The following NADSYN1 variants were observed in gnomAD, a reference collection of about 807,000 sequenced individuals.
The protein encoded by NADSYN1 is glutamine-dependent NAD(+) synthetase.
In NADSYN1, 80 loss-of-function variants were observed where a neutral mutation model predicts 99.3. The ratio of observed to expected loss-of-function variants is 0.81; its 90% CI spans 0.67 to 0.97. The LOEUF is 0.97. NADSYN1 is among the 50% of genes least tolerant of loss of function. The probability of loss-of-function intolerance (pLI) is 0.00; values close to 1 mark genes in which losing one functional copy is unlikely to be tolerated. For synonymous variants in NADSYN1, 385 were observed against 372.1 expected (o/e 1.03, Z -0.40); for missense variants, 859 against 948.5 (o/e 0.91, Z 1.24).
At chr11:71,497,709 G>C (rs1949829759) in intron 19 of NADSYN1, 98 bp downstream of exon 19, 1 of 1,458,144 alleles carries the variant, frequency 6.9e-7, no homozygotes, top group South Asian at 1.2e-5. Context: ...ATAACAGTGT[G>C]ACCCTAACGT....
intron 14 of NADSYN1, 43 bp from the exon 15 acceptor site, chr11:71,484,269 C>A: frequency 6.2e-7 from 1 of 1,602,390 alleles, no homozygotes; most frequent in South Asian, 1.1e-5. Flanking sequence ...CACATGCACA[C>A]ACGTGCACAT....
chr11:71,473,296 G>A lies in NADSYN1; in HGVS notation c.478G>A (p.Asp160Asn), dbSNP rs758988581. 3.1e-6 allele frequency: 5 copies of A among 1,614,106 alleles called. No individual in the cohort carries two copies. In the Admixed American group the frequency reaches 8.3e-5, roughly 27 times the overall value. ...ACTGCAGGAAACCGTACCCTTCGGA[G>A]ATGCGGTGCTGGTGACATGGGACAC... ...LTKQETVPFG[D>N]AVLVTWDTCI... Residue 160 changes from aspartate (D) to asparagine (N), a missense_variant, in exon 7 of 21, where the codon GAT becomes AAT. Coordinates refer to ENST00000319023, the MANE Select transcript of NADSYN1 (RefSeq NM_018161.5).
Position 71,473,322 on chromosome 11 carries a change from C to A in NADSYN1, c.504C>A (p.Thr168=). ...ATGCGGTGCTGGTGACATGGGACAC[C>A]TGCATTGGAAGTGAGATCTGTGAGG... ...FGDAVLVTWD[T]CIGSEICEEL... is the part of the protein sequence containing the mutation. Residue 168 remains threonine (T), a synonymous_variant, in exon 7 of 21, where the codon ACC becomes ACA. Transcript: ENST00000319023. 1 of 1,614,200 alleles carries A rather than the reference C, an allele frequency of 6.2e-7. No homozygotes were observed. Among genetic ancestry groups the A allele is most frequent in the Non-Finnish European group, 8.5e-7 (1 of 1,180,038 alleles).
intron 11 of NADSYN1, 193 bp from the exon 12 acceptor site, chr11:71,481,163 A>T: frequency 1.5e-6 from 1 of 681,064 alleles, no homozygotes; most frequent in Non-Finnish European, 2.5e-6. Flanking sequence ...GACGATGATA[A>T]TACCCACGTC....
At chr11:71,496,954 C>T (rs77879870) in intron 18 of NADSYN1, 1,813 of 157,084 alleles carry the variant, frequency 0.012, 48 homozygotes, top group African/African-American at 0.041. Flanking sequence ...CGGCTCACTG[C>T]AGCCTTGATG....
chr11:71,474,234 C>T (rs1211533933), intron 8 of NADSYN1, among the ~76,000 whole-genome samples, 161 bp from the exon 9 acceptor site: 1 of 152,172 alleles, frequency 6.6e-6, no homozygotes, highest in Non-Finnish European at 1.5e-5. Context: ...GCCGCAGCTT[C>T]ACAGGTCTGT....
chr11:71,470,849 G>GC (rs1949622094), intron 5 of NADSYN1, among the ~76,000 whole-genome samples: 1 of 152,152 alleles, frequency 6.6e-6, no homozygotes, highest in Non-Finnish European at 1.5e-5. Context: ...GTGTCTGCCT[G>GC]CCTTATCTTT....
intron 15 of NADSYN1, 57 bp from the exon 16 acceptor site, chr11:71,485,485 G>A (rs1009921892): frequency 2.6e-5 from 34 of 1,332,334 alleles, no homozygotes; most frequent in Admixed American, 2.2e-4. Context: ...GTGGGTGTGC[G>A]TCTCCCCCGT....
At chr11:71,465,560 G>T (rs1482056763) in intron 5 of NADSYN1, among the ~76,000 whole-genome samples, 1 of 152,166 alleles carries the variant, frequency 6.6e-6, no homozygotes, top group Non-Finnish European at 1.5e-5. Context: ...TTGTCATGGG[G>T]CGTCGGCCAT....
At chr11:71,487,675 C>T (rs1949750932) in intron 16 of NADSYN1, among the ~76,000 whole-genome samples, 1 of 151,328 alleles carries the variant, frequency 6.6e-6, no homozygotes, top group South Asian at 2.1e-4. Context: ...ACTAAAAATA[C>T]AAAAAATTAG....
At chr11:71,474,361 C>T in intron 8 of NADSYN1, 34 bp from the exon 9 acceptor site, 3 of 1,613,320 alleles carry the variant, frequency 1.9e-6, no homozygotes, top group Non-Finnish European at 2.5e-6. Context: ...GTGGACACAG[C>T]TGACCACTCC....
At chr11:71,476,692 G>A in intron 9 of NADSYN1, 1 of 965,120 alleles carries the variant, frequency 1.0e-6, no homozygotes, top group Non-Finnish European at 1.2e-6. Flanking sequence ...TTAAGTTCCT[G>A]CTGATGGGAA....
chr11:71,476,359 G>A (rs1192390882), intron 9 of NADSYN1: 3 of 352,338 alleles, frequency 8.5e-6, no homozygotes, highest in South Asian at 2.2e-5. Flanking sequence ...TGGCGTCGCC[G>A]ACTCTGCGAG....
chr11:71,476,998 G>C, intron 9 of NADSYN1: 2 of 1,049,534 alleles, frequency 1.9e-6, no homozygotes, highest in Non-Finnish European at 2.3e-6. Flanking sequence ...TGGCCGCGCT[G>C]TCCTCAGGCT....
chr11:71,478,533 G>T (rs945829549), intron 10 of NADSYN1, 64 bp downstream of exon 10: 19 of 1,430,412 alleles, frequency 1.3e-5, no homozygotes, highest in Non-Finnish European at 1.8e-5. Context: ...GGCCCCATTC[G>T]TGCGGGCCTG....
Position 71,474,526 on chromosome 11 carries a change from G to A in NADSYN1, c.798G>A (p.Val266=). The A allele has an allele frequency of 6.2e-7, 1 of 1,614,102 alleles. No individual in the cohort carries two copies. Among genetic ancestry groups the A allele is most frequent in the Non-Finnish European group, 8.5e-7 (1 of 1,179,958 alleles). ...AQGSQFSLDD[V]EVLTATLDLE... Reference sequence around the variant, plus strand: ...GATCCCAGTTTTCTCTGGATGACGTGGTAATGAGCGGGCCTGGACATGCCT... The same window carrying A: ...GATCCCAGTTTTCTCTGGATGACGTAGTAATGAGCGGGCCTGGACATGCCT... Residue 266 remains valine, a splice_region_variant and synonymous_variant, in exon 9 of 21, where the codon GTG becomes GTA. Transcript: ENST00000319023.
intron 18 of NADSYN1, among the ~76,000 whole-genome samples, chr11:71,492,259 G>T (rs1949786851): frequency 6.6e-6 from 1 of 152,222 alleles, no homozygotes; most frequent in Admixed American, 6.5e-5. Context: ...CTGGCCCTTC[G>T]TGATGAGGCC....
At position 71,490,995 on chromosome 11, in the gene NADSYN1, T is replaced by C. The variant is rs1949775124; in HGVS notation, c.1694+19T>C. 2 of 1,613,398 alleles carry C rather than the reference T, an allele frequency of 1.2e-6. No individual in the cohort carries two copies. The highest frequency in any genetic ancestry group is 1.7e-6 in the Non-Finnish European group (2 of 1,179,668). On this transcript the variant is annotated intron_variant, in intron 17 of 20. Coordinates refer to ENST00000319023, the MANE Select transcript of NADSYN1 (RefSeq NM_018161.5). ...TGCAGAGGTGAGTGTGCTCACGGGC[T>C]GTGGCTCCACAGCCACGGGGCTCCT...
rs1437581249 is a variant in NADSYN1, at chr11:71,482,142, G to A, written c.1150+117G>A. 25 of 870,720 alleles carry A rather than the reference G, an allele frequency of 2.9e-5. No homozygotes were observed. In the Admixed American group the frequency reaches 3.0e-4, roughly 10 times the overall value. The allele number at this position is 870,720 out of a possible 1,614,324, so 53.9% of individuals were successfully genotyped here. On this transcript the variant is annotated intron_variant, in intron 13 of 20. Transcript: ENST00000319023. ...CGTGCCATGGACATCGGGGTGAAGG[G>A]GGCTTTGTGGCCACGCACAAATGTC...
Sources: gnomAD v4.1 joint callset for allele counts (sites outside exome capture counted in the v4.1 genomes callset) on GRCh38, gnomAD v4.1.1 for gene constraint, MANE v1.5 for transcripts, NCBI Gene and HGNC (gene_info 2026-07-23, HGNC 2026-07-21) for gene names.